Variants in HERPUD2 observed in about 807,000 individuals in gnomAD.
HERPUD2 encodes the protein HERPUD family member 2.
A neutral mutation model predicts 49.9 loss-of-function variants in HERPUD2; 13 were observed. The observed-to-expected ratio is 0.26, with a 90% CI of 0.17 to 0.41. The LOEUF (loss-of-function observed/expected upper bound fraction) is 0.41, where lower values mean the gene tolerates loss of function less well. HERPUD2 is among the 10% of genes least tolerant of loss of function. The pLI is 1.00. For synonymous variants in HERPUD2, 172 were observed against 171.4 expected (o/e 1.00, Z -0.03); for missense variants, 449 against 492.2 (o/e 0.91, Z 0.83).
chr7:35,682,357 G>GTGTATATATA (rs1315389393), intron 2 of HERPUD2, among the ~76,000 whole-genome samples: 1 of 25,826 alleles, frequency 3.9e-5, no homozygotes, highest in African/African-American at 1.4e-4. Context: ...GTGTGTGTGT[G>GTGTATATATA]TATATATATA....
intron 3 of HERPUD2, among the ~76,000 whole-genome samples, chr7:35,670,702 A>G (rs1785624920): frequency 6.6e-6 from 1 of 152,164 alleles, no homozygotes; most frequent in Non-Finnish European, 1.5e-5. Context: ...CTTGAGGCTT[A>G]GCAACTATAA....
chr7:35,640,776 TTTA>T (rs1784956398), intron 5 of HERPUD2, among the ~76,000 whole-genome samples: 1 of 152,152 alleles, frequency 6.6e-6, no homozygotes, highest in Non-Finnish European at 1.5e-5. Context: ...TACTTAAGAA[TTTA>T]ATATATGTTA....
chr7:35,666,346 A>G (rs1331671848), intron 5 of HERPUD2, among the ~76,000 whole-genome samples: 3 of 152,368 alleles, frequency 2.0e-5, no homozygotes, highest in South Asian at 2.1e-4. Context: ...TTTGCTATAT[A>G]TTCAGCTTTG....
At chr7:35,669,691 T>C (rs1785605890) in intron 4 of HERPUD2, among the ~76,000 whole-genome samples, 1 of 152,086 alleles carries the variant, frequency 6.6e-6, no homozygotes, top group Non-Finnish European at 1.5e-5. Flanking sequence ...TACCCAAGTC[T>C]GAAAGAGATT....
rs114825486 is a variant in HERPUD2 at position 35,690,870 on chromosome 7, A to G, written c.147+3314T>C. Among the ~76,000 whole-genome samples the G allele has an allele frequency of 6.8e-3, 1,038 of 152,302 alleles. 11 individuals are homozygous for G. The highest frequency in any genetic ancestry group is 0.024 in the African/African-American group (988 of 41,564). ...TCAGAGTCTGATTCTTGTCTGCTTA[A>G]AACTGTAATCAACTCTTTAAGAAAA... On this transcript the variant is annotated intron_variant, in intron 2 of 8. Coordinates refer to ENST00000311350, the MANE Select transcript of HERPUD2 (RefSeq NM_022373.5).
intron 5 of HERPUD2, among the ~76,000 whole-genome samples, chr7:35,643,494 T>C (rs1331726358): frequency 3.3e-5 from 5 of 152,208 alleles, no homozygotes; most frequent in Middle Eastern, 3.4e-3. Flanking sequence ...TCCTATGGAG[T>C]GACTTCTTAG....
intron 2 of HERPUD2, among the ~76,000 whole-genome samples, chr7:35,675,082 A>AG (rs1785731373): frequency 6.6e-6 from 1 of 152,144 alleles, no homozygotes; most frequent in Admixed American, 6.6e-5. Context: ...CCACATATGA[A>AG]GGGGGGCAGT....
chr7:35,651,586 C>T (rs538977576), intron 5 of HERPUD2, among the ~76,000 whole-genome samples: 1 of 152,006 alleles, frequency 6.6e-6, no homozygotes, highest in Non-Finnish European at 1.5e-5. Flanking sequence ...GGAAAAAGTG[C>T]CCCCACTACA....
chr7:35,647,894 T>C (rs943156767), intron 5 of HERPUD2, among the ~76,000 whole-genome samples: 35 of 152,230 alleles, frequency 2.3e-4, no homozygotes, highest in African/African-American at 8.4e-4. Context: ...GCCTAACTTC[T>C]GCTAATGCTC....
At chr7:35,639,512 T>C (rs1784931735) in intron 5 of HERPUD2, among the ~76,000 whole-genome samples, 1 of 152,198 alleles carries the variant, frequency 6.6e-6, no homozygotes, top group Admixed American at 6.5e-5. Context: ...CCGAACATGA[T>C]GCCAAAGTGT....
chr7:35,640,581 T>G (rs1387358223), intron 5 of HERPUD2, among the ~76,000 whole-genome samples: 3 of 152,212 alleles, frequency 2.0e-5, no homozygotes, highest in Non-Finnish European at 2.9e-5. Context: ...AGAAAACTAC[T>G]GGACGATATA....
chr7:35,647,500 T>C (rs1324538050), intron 5 of HERPUD2, among the ~76,000 whole-genome samples: 1 of 152,184 alleles, frequency 6.6e-6, no homozygotes, highest in African/African-American at 2.4e-5. Context: ...CTGAATGAAG[T>C]CACAGGGTCT....
chr7:35,658,557 G>C (rs889983040), intron 5 of HERPUD2, among the ~76,000 whole-genome samples: 1 of 152,118 alleles, frequency 6.6e-6, no homozygotes. Flanking sequence ...CATGTGTAAT[G>C]ATCATCACAT....
chr7:35,659,402 G>C (rs571339603), intron 5 of HERPUD2, among the ~76,000 whole-genome samples: 1 of 152,260 alleles, frequency 6.6e-6, no homozygotes, highest in South Asian at 2.1e-4. Context: ...GACTGTTTTA[G>C]TGTACCATAC....
At chr7:35,639,038 T>C (rs1784922399) in intron 5 of HERPUD2, among the ~76,000 whole-genome samples, 1 of 151,992 alleles carries the variant, frequency 6.6e-6, no homozygotes, top group East Asian at 1.9e-4. Flanking sequence ...TATTTCTTTT[T>C]TTTTTTTTGA....
At chr7:35,682,090 T>G (rs1785902988) in intron 2 of HERPUD2, among the ~76,000 whole-genome samples, 1 of 151,768 alleles carries the variant, frequency 6.6e-6, no homozygotes, top group African/African-American at 2.4e-5. Context: ...CAGGCTGGAG[T>G]ACAGTGGCAT....
intron 5 of HERPUD2, among the ~76,000 whole-genome samples, chr7:35,658,196 G>A (rs1785324256): frequency 6.6e-6 from 1 of 152,100 alleles, no homozygotes; most frequent in Non-Finnish European, 1.5e-5. Flanking sequence ...TGGCACTGGA[G>A]GTCATTATGT....
intron 5 of HERPUD2, among the ~76,000 whole-genome samples, chr7:35,643,330 G>A (rs1784997581): frequency 6.6e-6 from 1 of 152,046 alleles, no homozygotes; most frequent in Non-Finnish European, 1.5e-5. Context: ...AAAACATGAA[G>A]GGATGTTTCC....
chr7:35,666,488 T>A (rs1156783906), intron 5 of HERPUD2, among the ~76,000 whole-genome samples: 1 of 152,216 alleles, frequency 6.6e-6, no homozygotes, highest in East Asian at 1.9e-4. Context: ...AATTCTGAGG[T>A]CCTAGCCATA....
Sources: allele counts gnomAD v4.1 joint callset (sites outside exome capture counted in the v4.1 genomes callset), GRCh38; gene constraint gnomAD v4.1.1; transcripts MANE v1.5; gene names NCBI Gene and HGNC (gene_info 2026-07-23, HGNC 2026-07-21).